The following MICU1 variants were observed in gnomAD, a reference collection of about 807,000 sequenced individuals.
The protein encoded by MICU1 is calcium uptake protein 1, mitochondrial.
A neutral mutation model predicts 56.8 loss-of-function variants in MICU1; 45 were observed. The ratio of observed to expected loss-of-function variants is 0.79; its 90% CI spans 0.62 to 1.02. The LOEUF is 1.02. MICU1 is among the 50% of genes least tolerant of loss of function. The pLI is 0.00. For synonymous variants in MICU1, 186 were observed against 195.1 expected (o/e 0.95, Z 0.39); for missense variants, 504 against 587.1 (o/e 0.86, Z 1.46).
chr10:72,384,996 G>C (rs1862839536), intron 10 of MICU1, among the ~76,000 whole-genome samples: 1 of 151,992 alleles, frequency 6.6e-6, no homozygotes, highest in Non-Finnish European at 1.5e-5. Flanking sequence ...TGGCTGTCTG[G>C]GGGATGCTCT....
Position 72,475,087 on chromosome 10 carries a change from A to G in MICU1, c.933+13T>C, listed in dbSNP as rs1477073964. 7 of 1,601,426 alleles carry G rather than the reference A, an allele frequency of 4.4e-6. No individual in the cohort carries two copies. In the Admixed American group the frequency reaches 1.2e-4, roughly 28 times the overall value. ...CACATGTGATGGATCTACTGAGTCT[A>G]AGGAAGACCTACCTCAAGCTTCAGA... On this transcript the variant is annotated intron_variant, in intron 8 of 11. Transcript: ENST00000361114.
chr10:72,465,887 A>G (rs1007720843), intron 8 of MICU1, among the ~76,000 whole-genome samples: 2 of 152,152 alleles, frequency 1.3e-5, no homozygotes, highest in Non-Finnish European at 2.9e-5. Context: ...CACTGTGTCT[A>G]TAACTTTTGC....
chr10:72,427,733 A>AATAAATATATATAT (rs1241632825), intron 8 of MICU1, among the ~76,000 whole-genome samples: 135 of 136,242 alleles, frequency 9.9e-4, no homozygotes, highest in East Asian at 8.7e-3. Context: ...CCATCTCTAA[A>AATAAATATATATAT]ATATATATAT....
At chr10:72,451,153 T>C (rs904640165) in intron 8 of MICU1, among the ~76,000 whole-genome samples, 2 of 150,768 alleles carry the variant, frequency 1.3e-5, no homozygotes, top group South Asian at 2.1e-4. Flanking sequence ...GCCTCCCAAG[T>C]AGCTGGGATT....
intron 8 of MICU1, among the ~76,000 whole-genome samples, chr10:72,468,884 C>T (rs181958941): frequency 3.3e-4 from 50 of 151,974 alleles, no homozygotes; most frequent in African/African-American, 9.4e-4. Flanking sequence ...CTTTAGAGTC[C>T]CAAATAAATC....
intron 4 of MICU1, among the ~76,000 whole-genome samples, chr10:72,546,181 T>G (rs1248505383): frequency 1.3e-5 from 2 of 152,202 alleles, no homozygotes; most frequent in Non-Finnish European, 2.9e-5. Flanking sequence ...TTCCTTTGTC[T>G]GAGCAAATGA....
At chr10:72,613,274 T>TC (rs1057342588) in intron 1 of MICU1, among the ~76,000 whole-genome samples, 3 of 140,844 alleles carry the variant, frequency 2.1e-5, no homozygotes, top group African/African-American at 9.4e-5. Flanking sequence ...CCCTAATTTT[T>TC]TTTTTTTTTT....
In MICU1 at chr10:72,485,287, G is replaced by A. The variant is rs190872872; in HGVS notation, c.653-8031C>T. ...TAAACAGGGGCTTGCTATGTTGCCC[G>A]GGCTGGTCTCGATTTCCTGGGCTCA... On this transcript the variant is annotated intron_variant, in intron 6 of 11. Coordinates refer to ENST00000361114, the MANE Select transcript of MICU1 (RefSeq NM_001195518.2). Among the ~76,000 whole-genome samples, 963 of 151,870 alleles carry A rather than the reference G, an allele frequency of 6.3e-3. 5 individuals are homozygous for A. Among genetic ancestry groups the A allele is most frequent in the Middle Eastern group, 0.017 (5 of 294 alleles).
chr10:72,606,610 T>C (rs1013395909), intron 1 of MICU1, among the ~76,000 whole-genome samples: 1 of 151,932 alleles, frequency 6.6e-6, no homozygotes, highest in East Asian at 1.9e-4. Context: ...TATATATATA[T>C]ATATGTTGGT....
intron 6 of MICU1, among the ~76,000 whole-genome samples, chr10:72,479,722 C>T (rs781597672): frequency 8.5e-5 from 13 of 152,132 alleles, no homozygotes; most frequent in Non-Finnish European, 1.8e-4. Context: ...GATGTGGTCT[C>T]ACTACATTGC....
chr10:72,372,205 C>T (rs549542528), intron 11 of MICU1, among the ~76,000 whole-genome samples: 14 of 152,086 alleles, frequency 9.2e-5, no homozygotes, highest in East Asian at 1.9e-4. Context: ...TCTTTCTCTA[C>T]GAAAAAATTC....
At chr10:72,523,201 G>A (rs550167521) in intron 5 of MICU1, among the ~76,000 whole-genome samples, 38 of 152,020 alleles carry the variant, frequency 2.5e-4, no homozygotes, top group Non-Finnish European at 4.3e-4. Flanking sequence ...TAAAGGAGAG[G>A]AAGAGTTTTT....
At chr10:72,391,590 T>C (rs576792478) in intron 10 of MICU1, among the ~76,000 whole-genome samples, 77 of 152,344 alleles carry the variant, frequency 5.1e-4, no homozygotes, top group African/African-American at 1.8e-3. Flanking sequence ...AATCTTGAGA[T>C]AATTTAAAGT....
At chr10:72,421,340 C>T (rs568800499) in intron 9 of MICU1, among the ~76,000 whole-genome samples, 1 of 152,080 alleles carries the variant, frequency 6.6e-6, no homozygotes, top group East Asian at 1.9e-4. Flanking sequence ...ACTGCAACCT[C>T]CGCCTCCCTC....
At chr10:72,613,814 T>C (rs1331719577) in intron 1 of MICU1, among the ~76,000 whole-genome samples, 1 of 152,074 alleles carries the variant, frequency 6.6e-6, no homozygotes, top group Non-Finnish European at 1.5e-5. Context: ...ACATAACCTT[T>C]TTCTCCCCTT....
At chr10:72,384,185 G>C (rs1862815079) in intron 10 of MICU1, among the ~76,000 whole-genome samples, 1 of 151,934 alleles carries the variant, frequency 6.6e-6, no homozygotes, top group South Asian at 2.1e-4. Flanking sequence ...TGTAGAGATG[G>C]GGTTTCACCA....
intron 8 of MICU1, among the ~76,000 whole-genome samples, chr10:72,474,451 T>C (rs921552379): frequency 3.3e-5 from 5 of 152,144 alleles, no homozygotes; most frequent in Non-Finnish European, 7.3e-5. Context: ...CATGATGGTC[T>C]AAACTTTAAA....
intron 4 of MICU1, among the ~76,000 whole-genome samples, chr10:72,540,452 T>C (rs1839745992): frequency 6.6e-6 from 1 of 151,678 alleles, no homozygotes; most frequent in Non-Finnish European, 1.5e-5. Context: ...GGTGGGAAGA[T>C]CACTTGAGGC....
intron 1 of MICU1, among the ~76,000 whole-genome samples, chr10:72,581,472 A>G (rs1208047291): frequency 6.6e-6 from 1 of 152,156 alleles, no homozygotes; most frequent in Non-Finnish European, 1.5e-5. Context: ...CTACTGAAGT[A>G]CAAAAATTAG....
Sources: gnomAD v4.1 joint callset for allele counts (sites outside exome capture counted in the v4.1 genomes callset) on GRCh38, gnomAD v4.1.1 for gene constraint, MANE v1.5 for transcripts, NCBI Gene and HGNC (gene_info 2026-07-23, HGNC 2026-07-21) for gene names.